The following DYM variants were observed in gnomAD, a reference collection of about 807,000 sequenced individuals.
The protein encoded by DYM is dymeclin.
DYM carries 78 observed loss-of-function variants against 93.1 expected under a neutral mutation model. The observed-to-expected ratio is 0.84, with a 90% CI of 0.70 to 1.01. DYM has a LOEUF of 1.01. Among genes scored for constraint, DYM ranks in the 50% least tolerant of loss-of-function variants. The pLI is 0.00. For missense variants in DYM, 789 were observed against 845.0 expected, an observed-to-expected ratio of 0.93 and a Z score of 0.82; for synonymous variants, 321 against 319.7, an observed-to-expected ratio of 1.00 and a Z score of -0.04.
rs190522194 is a variant in DYM, at chr18:49,397,480, A to G, written c.141-5835T>C. ...TGAGAAGAACAAGAACTGGCTTTAGAGCCTGGTGACTTGGTTAAAAATTAT... is the reference window on the plus strand; with the variant it reads ...TGAGAAGAACAAGAACTGGCTTTAGGGCCTGGTGACTTGGTTAAAAATTAT... On this transcript the variant is annotated intron_variant, in intron 2 of 17. Coordinates refer to ENST00000675505, the MANE Select transcript of DYM (RefSeq NM_001353214.3). Among the ~76,000 whole-genome samples the G allele has an allele frequency of 2.2e-3, 333 of 152,318 alleles. 5 individuals carry two copies. Among genetic ancestry groups the G allele is most frequent in the African/African-American group, 7.6e-3 (315 of 41,570 alleles).
rs543096873 is a variant in DYM at position 49,216,489 on chromosome 18, C to T, written c.1461-6774G>A. Reference sequence around the variant, plus strand: ...GACCCCTGACCCCCGAGCAGCCTAACTGGGAGGCACCCCCCAGTAGGGGCA... The same window carrying T: ...GACCCCTGACCCCCGAGCAGCCTAATTGGGAGGCACCCCCCAGTAGGGGCA... On this transcript the variant is annotated intron_variant, in intron 13 of 17. Transcript: ENST00000675505. Among the ~76,000 whole-genome samples, 4 of 152,302 alleles carry T rather than the reference C, an allele frequency of 2.6e-5. No individual in the cohort carries two copies. In the East Asian group the frequency reaches 5.8e-4, roughly 22 times the overall value.
intron 14 of DYM, among the ~76,000 whole-genome samples, chr18:49,170,780 C>CAAAAAAAAAAAAAAAAAAAAA (rs34297501): frequency 3.2e-5 from 1 of 31,238 alleles, no homozygotes. Context: ...GACTCCGTCT[C>CAAAAAAAAAAAAAAAAAAAAA]AAAAAAAAAA....
At chr18:49,456,257 A>G (rs997999528) in intron 1 of DYM, among the ~76,000 whole-genome samples, 13 of 152,198 alleles carry the variant, frequency 8.5e-5, no homozygotes, top group Non-Finnish European at 1.9e-4. Flanking sequence ...CCAGCCTTTA[A>G]TCGTCCACCT....
intron 15 of DYM, among the ~76,000 whole-genome samples, chr18:49,154,016 C>T (rs1478386713): frequency 2.0e-5 from 3 of 152,106 alleles, no homozygotes; most frequent in African/African-American, 7.2e-5. Flanking sequence ...CATGTATTTC[C>T]CAGTATGATG....
chr18:49,281,123 C>T (rs1463361162), intron 10 of DYM, among the ~76,000 whole-genome samples: 1 of 152,126 alleles, frequency 6.6e-6, no homozygotes, highest in Non-Finnish European at 1.5e-5. Flanking sequence ...ACAAACAACC[C>T]CATCAAAAAG....
intron 13 of DYM, among the ~76,000 whole-genome samples, chr18:49,211,893 T>C (rs1435697230): frequency 6.6e-6 from 1 of 152,216 alleles, no homozygotes; most frequent in Non-Finnish European, 1.5e-5. Context: ...GAAAGGATTC[T>C]AGGACTCCAT....
At chr18:49,179,588 T>C (rs190386278) in intron 14 of DYM, among the ~76,000 whole-genome samples, 1 of 152,218 alleles carries the variant, frequency 6.6e-6, no homozygotes, top group East Asian at 1.9e-4. Context: ...CAACGATGAA[T>C]AGGCTTATAG....
chr18:49,230,928 C>T lies in DYM; in HGVS notation c.1461-21213G>A, dbSNP rs145221339. 2.0e-5 allele frequency among the ~76,000 whole-genome samples: 3 copies of T among 152,242 alleles called. No individual in the cohort carries two copies. In the East Asian group the frequency reaches 5.8e-4, roughly 29 times the overall value. ...TAAAAGGCAAAAAAGAGTATTTCTA[C>T]ACGATGAATATACTTTAAAATGCAC... On this transcript the variant is annotated intron_variant, in intron 13 of 17. Transcript: ENST00000675505.
At chr18:49,114,851 A>C (rs970111624) in intron 16 of DYM, among the ~76,000 whole-genome samples, 1 of 152,186 alleles carries the variant, frequency 6.6e-6, no homozygotes, top group African/African-American at 2.4e-5. Context: ...CCACTGATGG[A>C]ATAAAGACTG....
intron 11 of DYM, among the ~76,000 whole-genome samples, chr18:49,261,487 A>G (rs1005276482): frequency 6.6e-6 from 1 of 152,234 alleles, no homozygotes; most frequent in Non-Finnish European, 1.5e-5. Flanking sequence ...CCTGGCCAAC[A>G]TGGTGAAACC....
chr18:49,313,373 G>A (rs1045736464), intron 8 of DYM, among the ~76,000 whole-genome samples: 1 of 139,630 alleles, frequency 7.2e-6, no homozygotes, highest in Non-Finnish European at 1.5e-5. Context: ...TGAGGCAGAA[G>A]AATCACTTGA....
At chr18:49,068,487 A>G (rs1264636585) in intron 17 of DYM, among the ~76,000 whole-genome samples, 2 of 152,182 alleles carry the variant, frequency 1.3e-5, no homozygotes, top group Non-Finnish European at 2.9e-5. Flanking sequence ...GAAGGGGCAC[A>G]GTTTGATGCT....
At chr18:49,417,735 C>T (rs1417767214) in intron 2 of DYM, among the ~76,000 whole-genome samples, 2 of 152,148 alleles carry the variant, frequency 1.3e-5, no homozygotes, top group Non-Finnish European at 2.9e-5. Context: ...TTCTATAACA[C>T]CCTTTATCAT....
chr18:49,117,148 C>A (rs987978955), intron 16 of DYM, among the ~76,000 whole-genome samples: 1 of 152,154 alleles, frequency 6.6e-6, no homozygotes, highest in Non-Finnish European at 1.5e-5. Flanking sequence ...GGCAACTATA[C>A]CCAAATTCCC....
chr18:49,458,267 A>G (rs1447422015), intron 1 of DYM, among the ~76,000 whole-genome samples: 2 of 152,096 alleles, frequency 1.3e-5, no homozygotes, highest in Non-Finnish European at 2.9e-5. Context: ...CCTGCCCTCC[A>G]TTCATTAAAA....
At chr18:49,287,088 G>T (rs550298334) in intron 8 of DYM, among the ~76,000 whole-genome samples, 12 of 152,108 alleles carry the variant, frequency 7.9e-5, no homozygotes, top group African/African-American at 2.7e-4. Flanking sequence ...CTACTTGGCT[G>T]AGGCAAAAGA....
chr18:49,223,757 G>A (rs1261167827), intron 13 of DYM, among the ~76,000 whole-genome samples: 1 of 151,962 alleles, frequency 6.6e-6, no homozygotes, highest in Non-Finnish European at 1.5e-5. Flanking sequence ...GATGACTAAA[G>A]ATAAGCAGGA....
intron 16 of DYM, among the ~76,000 whole-genome samples, chr18:49,108,660 T>G (rs1369413033): frequency 3.3e-5 from 5 of 152,232 alleles, no homozygotes; most frequent in Non-Finnish European, 7.3e-5. Flanking sequence ...CCATACATGG[T>G]CTCTCTTAGA....
intron 5 of DYM, chr18:49,375,754 G>C (rs186495336): frequency 6.6e-6 from 1 of 152,176 alleles, no homozygotes; most frequent in African/African-American, 2.4e-5. Flanking sequence ...GGAGATCAAC[G>C]TTTGAGTCAG....
Sources: gnomAD v4.1 joint callset for allele counts (sites outside exome capture counted in the v4.1 genomes callset) on GRCh38, gnomAD v4.1.1 for gene constraint, MANE v1.5 for transcripts, NCBI Gene and HGNC (gene_info 2026-07-23, HGNC 2026-07-21) for gene names.